Variants in XRCC4 observed in about 807,000 individuals in gnomAD.
XRCC4 encodes the protein DNA repair protein XRCC4.
XRCC4 carries 28 observed loss-of-function variants against 39.1 expected under a neutral mutation model. That is an observed-to-expected ratio of 0.72 (90% CI 0.53 to 0.98). The LOEUF (loss-of-function observed/expected upper bound fraction) is 0.98. Among genes scored for constraint, XRCC4 ranks in the 50% least tolerant of loss-of-function variants. The pLI, the probability that XRCC4 is intolerant of heterozygous loss-of-function variation, is 0.00. For synonymous variants in XRCC4, 123 were observed against 126.4 expected, an observed-to-expected ratio of 0.97 and a Z score of 0.18; for missense variants, 350 against 376.4, an observed-to-expected ratio of 0.93 and a Z score of 0.58.
intron 7 of XRCC4, among the ~76,000 whole-genome samples, chr5:83,291,773 G>A (rs1175922350): frequency 2.0e-5 from 3 of 151,770 alleles, no homozygotes; most frequent in Non-Finnish European, 2.9e-5. Flanking sequence ...GGCACTATAT[G>A]TTACAACTTT....
intron 6 of XRCC4, among the ~76,000 whole-genome samples, chr5:83,249,194 C>T (rs1580422748): frequency 6.6e-6 from 1 of 151,984 alleles, no homozygotes; most frequent in South Asian, 2.1e-4. Flanking sequence ...CCATAGTTAT[C>T]GAGACAATGA....
In XRCC4 at chr5:83,105,833, A is replaced by T. The variant is rs376456701; in HGVS notation, c.139+775A>T. ...ATAATTTTTACATGTTAATTTACAT[A>T]CTATTTATATCTTCTATTAACTTTA... On this transcript the variant is annotated intron_variant, in intron 2 of 7. Transcript: ENST00000396027. Among the ~76,000 whole-genome samples the T allele has an allele frequency of 2.6e-5, 4 of 152,246 alleles. No individual in the cohort carries two copies. The East Asian group carries it at 5.8e-4, about 22-fold the overall frequency.
intron 6 of XRCC4, among the ~76,000 whole-genome samples, chr5:83,251,502 C>T (rs181115899): frequency 1.1e-3 from 135 of 127,008 alleles, no homozygotes; most frequent in African/African-American, 3.5e-3. Context: ...CCAGCCTGGG[C>T]GACAGAACGA....
At chr5:83,172,920 TG>T (rs1196083035) in intron 3 of XRCC4, among the ~76,000 whole-genome samples, 2 of 152,130 alleles carry the variant, frequency 1.3e-5, no homozygotes, top group Non-Finnish European at 2.9e-5. Context: ...CTTTTTTCAG[TG>T]GCTGTTCTTA....
At chr5:83,293,099 G>A (rs1754977419) in intron 7 of XRCC4, among the ~76,000 whole-genome samples, 2 of 151,796 alleles carry the variant, frequency 1.3e-5, no homozygotes, top group Admixed American at 6.6e-5. Context: ...TTTGTCAGCT[G>A]ACTAAGCCTA....
chr5:83,318,332 A>G (rs1353933270), intron 7 of XRCC4, among the ~76,000 whole-genome samples: 6 of 132,034 alleles, frequency 4.5e-5, no homozygotes, highest in Admixed American at 7.6e-5. Context: ...CCTATTCAAC[A>G]TAGTGTTGGA....
chr5:83,268,773 G>T (rs28360255), intron 7 of XRCC4, among the ~76,000 whole-genome samples: 1 of 152,118 alleles, frequency 6.6e-6, no homozygotes, highest in Non-Finnish European at 1.5e-5. Flanking sequence ...TGATTTTAAA[G>T]AGTATTTGCC....
At chr5:83,209,842 G>A (rs768168499) in intron 6 of XRCC4, among the ~76,000 whole-genome samples, 7 of 151,952 alleles carry the variant, frequency 4.6e-5, no homozygotes, top group Non-Finnish European at 1.0e-4. Context: ...CATATTAAAG[G>A]TGCACAACCA....
intron 3 of XRCC4, among the ~76,000 whole-genome samples, chr5:83,145,190 C>T (rs532716656): frequency 5.3e-5 from 8 of 152,204 alleles, no homozygotes; most frequent in East Asian, 3.8e-4. Context: ...CCACCACGCT[C>T]GGCTCATAAA....
chr5:83,196,597 T>C (rs1750958875), intron 4 of XRCC4, among the ~76,000 whole-genome samples: 1 of 151,884 alleles, frequency 6.6e-6, no homozygotes, highest in South Asian at 2.1e-4. Flanking sequence ...GTATAAGATA[T>C]TTGAAGGAAA....
intron 3 of XRCC4, among the ~76,000 whole-genome samples, chr5:83,132,586 A>G (rs1747654873): frequency 2.8e-5 from 4 of 143,046 alleles, no homozygotes; most frequent in African/African-American, 1.0e-4. Context: ...ATTTCTTTTT[A>G]CTCTTTTTTC....
intron 3 of XRCC4, among the ~76,000 whole-genome samples, chr5:83,147,496 A>G (rs1438828625): frequency 6.6e-6 from 1 of 152,182 alleles, no homozygotes; most frequent in East Asian, 1.9e-4. Flanking sequence ...TGTGGAATCT[A>G]AAAAAGTTGA....
rs777079297 is a variant in XRCC4, at chr5:83,140,164, C to CA, written c.315+28962dup. ...GGGAGTTTGTTAAGGAGAATTGACT[C>CA]ATATGATCACAAGGTGAAGTCCCAC... On this transcript the variant is annotated intron_variant, in intron 3 of 7. Coordinates refer to ENST00000396027, the MANE Select transcript of XRCC4 (RefSeq NM_003401.5). Among the ~76,000 whole-genome samples the CA allele has an allele frequency of 6.0e-4, 92 of 152,168 alleles. 1 individual carries two copies. Among genetic ancestry groups the CA allele is most frequent in the Non-Finnish European group, 1.1e-3 (72 of 68,040 alleles).
chr5:83,130,818 C>G (rs2112478784), intron 3 of XRCC4, among the ~76,000 whole-genome samples: 1 of 151,992 alleles, frequency 6.6e-6, no homozygotes, highest in South Asian at 2.1e-4. Context: ...TGGTGATATC[C>G]CCTTTATCAT....
intron 3 of XRCC4, among the ~76,000 whole-genome samples, chr5:83,162,128 C>T (rs113699985): frequency 0.025 from 3,823 of 152,166 alleles, 66 homozygotes; most frequent in East Asian, 0.072. Flanking sequence ...GATAAAGCCA[C>T]TGCACTCCAG....
intron 3 of XRCC4, among the ~76,000 whole-genome samples, chr5:83,185,707 A>T (rs1156377748): frequency 6.6e-6 from 1 of 152,094 alleles, no homozygotes; most frequent in African/African-American, 2.4e-5. Flanking sequence ...GAGACTGAAT[A>T]GCAAGCTCAA....
At chr5:83,186,939 C>A (rs1750467825) in intron 3 of XRCC4, among the ~76,000 whole-genome samples, 1 of 99,942 alleles carries the variant, frequency 1.0e-5, no homozygotes, top group Admixed American at 9.2e-5. Flanking sequence ...CCTGCTTCTT[C>A]CATTTTTTTT....
chr5:83,345,187 G>T (rs1291570898), intron 7 of XRCC4, among the ~76,000 whole-genome samples: 1 of 152,040 alleles, frequency 6.6e-6, no homozygotes, highest in South Asian at 2.1e-4. Flanking sequence ...TCTCTTTAAG[G>T]TATCTGTTGA....
chr5:83,190,586 A>G (rs991225341), intron 3 of XRCC4, among the ~76,000 whole-genome samples: 12 of 152,194 alleles, frequency 7.9e-5, no homozygotes, highest in Non-Finnish European at 4.4e-5. Flanking sequence ...TACTTTGATA[A>G]TATATTGAAA....
Sources: allele counts gnomAD v4.1 joint callset (sites outside exome capture counted in the v4.1 genomes callset), GRCh38; gene constraint gnomAD v4.1.1; transcripts MANE v1.5; gene names NCBI Gene and HGNC (gene_info 2026-07-23, HGNC 2026-07-21).